Variants in RUBCN observed in about 807,000 individuals in gnomAD.
The protein encoded by RUBCN is rubicon autophagy regulator, also known as run domain Beclin-1-interacting and cysteine-rich domain-containing protein.
RUBCN carries 74 observed loss-of-function variants against 113.2 expected under a neutral mutation model. The observed-to-expected ratio is 0.65, with a 90% confidence interval of 0.54 to 0.79. The LOEUF (loss-of-function observed/expected upper bound fraction) is 0.79. Ranked by LOEUF, RUBCN falls within the 30% of genes least tolerant of loss-of-function variation. The pLI is 0.00. For missense variants in RUBCN, 1,109 were observed against 1,251.7 expected (o/e 0.89, Z 1.72); for synonymous variants, 480 against 490.0 (o/e 0.98, Z 0.27).
At chr3:197,694,314 C>G (rs1279186430) in intron 10 of RUBCN, 61 bp downstream of exon 10, 1 of 1,448,634 alleles carries the variant, frequency 6.9e-7, no homozygotes, top group East Asian at 2.3e-5. Flanking sequence ...GGTTTGGGCA[C>G]CAGGCCTTAT....
chr3:197,724,313 T>C (rs1285776580), intron 1 of RUBCN, among the ~76,000 whole-genome samples: 1 of 152,168 alleles, frequency 6.6e-6, no homozygotes, highest in Non-Finnish European at 1.5e-5. Context: ...TACAAAACTC[T>C]GTAAAGTATT....
At chr3:197,730,028 A>T (rs971064500) in intron 1 of RUBCN, among the ~76,000 whole-genome samples, 2 of 152,256 alleles carry the variant, frequency 1.3e-5, no homozygotes, top group Non-Finnish European at 2.9e-5. Flanking sequence ...TTAAACTAGT[A>T]GCAGGGTGAG....
chr3:197,700,705 G>A lies in RUBCN; in HGVS notation c.1169C>T (p.Ser390Leu). The change falls in exon 7 of 20, where the codon TCA becomes TTA. Residue 390 changes from serine to leucine, a missense_variant. Ser to Leu is a moderately radical substitution (Grantham distance 145). This residue lies in a region of RUBCN where 736 missense variants were observed against 779.6 expected (regional missense o/e 0.94). Coordinates refer to ENST00000296343, the MANE Select transcript of RUBCN (RefSeq NM_014687.4). ...GGTGACAGTGAGTGTCTGCCCCTCT[G>A]AGAAGCTGGACCTGCGGAGGACACT... ...LSSVLRRSSF[S>L]EGQTLTVTSG... The A allele has an allele frequency of 6.2e-7, 1 of 1,614,196 alleles. No individual in the cohort carries two copies. Among genetic ancestry groups the A allele is most frequent in the Non-Finnish European group, 8.5e-7 (1 of 1,180,044 alleles).
Position 197,681,112 on chromosome 3 carries a change from C to CT in RUBCN, c.2430+16dup. 1 of 1,581,208 alleles carries CT rather than the reference C, an allele frequency of 6.3e-7. No homozygotes were observed. On this transcript the variant is annotated intron_variant, in intron 16 of 19. Transcript: ENST00000296343. The surrounding 1 kb of genome is among the most constrained non-coding windows in gnomAD (Gnocchi z 5.5). ...GAGAAGGGCAAGACTCTAAGGTGGC[C>CT]TTTTCCAAGGTCTTACCCGGACTTG...
At chr3:197,676,799 T>G (rs1199201928) in intron 18 of RUBCN, 86 bp downstream of exon 18, 1 of 1,606,268 alleles carries the variant, frequency 6.2e-7, no homozygotes, top group South Asian at 1.1e-5. Context: ...TTCCTCAAGC[T>G]AAGTGGCAAG....
intron 1 of RUBCN, among the ~76,000 whole-genome samples, chr3:197,723,932 C>T (rs1322418141): frequency 1.3e-5 from 2 of 151,898 alleles, no homozygotes; most frequent in Admixed American, 1.3e-4. Flanking sequence ...CCGTTCTCTA[C>T]TAAAAAAATA....
rs115985184 is a variant in RUBCN, at chr3:197,686,556, T to C, written c.1787-2339A>G. Among the ~76,000 whole-genome samples the C allele has an allele frequency of 7.0e-3, 1,059 of 152,220 alleles. 13 individuals are homozygous for C. The highest frequency in any genetic ancestry group is 0.024 in the African/African-American group (1,005 of 41,534). On this transcript the variant is annotated intron_variant, in intron 11 of 19. Transcript: ENST00000296343. ...CGCTGCAGCCCTCATCACTCTCTGG[T>C]CGGTTCAAGCAGACAACTAAGTTGA...
intron 2 of RUBCN, among the ~76,000 whole-genome samples, chr3:197,713,972 A>G (rs932685200): frequency 1.3e-5 from 2 of 152,124 alleles, no homozygotes; most frequent in South Asian, 4.2e-4. Flanking sequence ...GCTACTCGGG[A>G]GGCTGAGGCA....
chr3:197,718,238 T>G, intron 1 of RUBCN, 108 bp from the exon 2 acceptor site: 1 of 1,169,310 alleles, frequency 8.6e-7, no homozygotes, highest in Non-Finnish European at 1.3e-6. Flanking sequence ...CATCCTAACA[T>G]TCTCTCCCCT....
chr3:197,743,288 A>G (rs923386260), intron 1 of RUBCN, among the ~76,000 whole-genome samples: 15 of 151,804 alleles, frequency 9.9e-5, no homozygotes, highest in Admixed American at 2.6e-4. Context: ...CCCGTCTGTC[A>G]TGTTCTCTGC....
At chr3:197,749,398 A>G in exon 1 of RUBCN, 16 of 1,193,774 alleles carry the variant, frequency 1.3e-5, no homozygotes, top group Non-Finnish European at 1.6e-5. Context: ...GTGACGCAGG[A>G]ACCGTCACTG....
At chr3:197,686,707 T>G (rs1028532777) in intron 11 of RUBCN, among the ~76,000 whole-genome samples, 2 of 152,196 alleles carry the variant, frequency 1.3e-5, no homozygotes, top group Non-Finnish European at 2.9e-5. Context: ...TGAGAGCACT[T>G]AAGAAGGAGG....
intron 8 of RUBCN, 141 bp from the exon 9 acceptor site, chr3:197,696,122 C>G: frequency 1.2e-6 from 1 of 840,082 alleles, no homozygotes; most frequent in South Asian, 1.5e-5. Flanking sequence ...AAAAGAATTT[C>G]TTGCACTTTG....
rs561998804 is a variant in RUBCN at position 197,736,826 on chromosome 3, G to A, written c.-107C>T. 1.2e-4 allele frequency: 170 copies of A among 1,420,964 alleles called. No homozygotes were observed. The African/African-American group carries it at 2.3e-3, about 19-fold the overall frequency. 88.0% of individuals were successfully genotyped at this position (1,420,964 alleles called of 1,614,324 possible). On this transcript the variant is annotated 5_prime_UTR_variant, in exon 1 of 20. Coordinates refer to ENST00000296343, the MANE Select transcript of RUBCN (RefSeq NM_014687.4). ...CCGGAGGAGGCACCTGCGGCCGGTG[G>A]GCTCCGGGTGATGCGCTACACCCGG...
In RUBCN at chr3:197,675,117, C is replaced by T; in HGVS notation, c.2820G>A (p.Glu940=). 1 of 1,613,704 alleles carries T rather than the reference C, an allele frequency of 6.2e-7. No homozygotes were observed. The highest frequency in any genetic ancestry group is 8.5e-7 in the Non-Finnish European group (1 of 1,180,010). The change falls in exon 20 of 20, where the codon GAG becomes GAA. Residue 940 remains glutamate, a synonymous_variant. Transcript: ENST00000296343. This position sits in a 1 kb window ranked among gnomAD's most constrained non-coding sequence, Gnocchi z 4.4. ...ACTCCAGGCTCTGCCTGGCCAGTGCCTCCCGCCGGGCCTGCAGCCGCTCGC... is the reference window on the plus strand; with the variant it reads ...ACTCCAGGCTCTGCCTGGCCAGTGCTTCCCGCCGGGCCTGCAGCCGCTCGC... The part of the protein sequence containing the change: ...PRCERLQARR[E]ALARQSLESY...
chr3:197,699,207 A>G, intron 7 of RUBCN: 3 of 1,550,494 alleles, frequency 1.9e-6, no homozygotes, highest in Non-Finnish European at 1.7e-6. Context: ...ATCTTCAACT[A>G]TAATGGTGAT....
At chr3:197,687,035 C>T (rs1721930839) in intron 11 of RUBCN, among the ~76,000 whole-genome samples, 1 of 152,224 alleles carries the variant, frequency 6.6e-6, no homozygotes, top group Non-Finnish European at 1.5e-5. Context: ...CTGGTTAAAA[C>T]CTTGGTACCT....
At chr3:197,723,843 C>T (rs1457023482) in intron 1 of RUBCN, among the ~76,000 whole-genome samples, 1 of 152,076 alleles carries the variant, frequency 6.6e-6, no homozygotes, top group Non-Finnish European at 1.5e-5. Flanking sequence ...GCCTGTAATC[C>T]CAGCACTTTG....
chr3:197,743,523 C>T (rs1458796741), intron 1 of RUBCN, among the ~76,000 whole-genome samples: 7 of 152,058 alleles, frequency 4.6e-5, no homozygotes, highest in Non-Finnish European at 1.0e-4. Context: ...AGGAAAAGGG[C>T]AACACAGAAG....
Sources: allele counts gnomAD v4.1 joint callset (sites outside exome capture counted in the v4.1 genomes callset), GRCh38; gene constraint gnomAD v4.1.1; regional missense constraint gnomAD v4.1.1; non-coding constraint Gnocchi (gnomAD v3.1); transcripts MANE v1.5; gene names NCBI Gene and HGNC (gene_info 2026-07-23, HGNC 2026-07-21).